YLPM1: variants seen among roughly 807,000 people sequenced by gnomAD.
The protein encoded by YLPM1 is YLP motif containing 1.
A neutral mutation model predicts 230.0 loss-of-function variants in YLPM1; 99 were observed. The ratio of observed to expected loss-of-function variants is 0.43; its 90% CI spans 0.37 to 0.51. YLPM1 has a LOEUF of 0.51. YLPM1 is among the 20% of genes least tolerant of loss of function. The pLI is 0.00. For missense variants in YLPM1, 2,592 were observed against 2,707.7 expected (o/e 0.96, Z 0.95); for synonymous variants, 984 against 942.5 (o/e 1.04, Z -0.81).
In YLPM1 at chr14:74,782,334, G is replaced by GCTTTTTTTTCT. The variant is rs2091104166; in HGVS notation, c.2282+19_2282+29dup. The GCTTTTTTTTCT allele has an allele frequency of 1.4e-6, 2 of 1,476,562 alleles. No homozygotes were observed. The highest frequency in any genetic ancestry group is 3.0e-5 in the South Asian group (2 of 67,720). The allele number at this position is 1,476,562 out of a possible 1,614,324, so 91.5% of individuals were successfully genotyped here. A position where few individuals can be genotyped will look rare whatever the true frequency, so the allele number is the denominator to read the frequency against. On this transcript the variant is annotated intron_variant, in intron 4 of 20. Coordinates refer to ENST00000325680, the MANE Select transcript of YLPM1 (RefSeq NM_019589.3). ...AGTCCAAGAGGCCCAAGGTAGGTCT[G>GCTTTTTTTTCT]CTTTTTTTTCTCTTTTTTTTTGGTT...
intron 19 of YLPM1, among the ~76,000 whole-genome samples, chr14:74,830,072 G>C (rs750131003): frequency 2.6e-5 from 4 of 152,154 alleles, no homozygotes; most frequent in African/African-American, 4.8e-5. Flanking sequence ...TTTCAAGAAG[G>C]AAAGAGTATA....
rs868040986 is a variant in YLPM1, at chr14:74,769,277, T to G, written c.873+4915T>G. ...TTTTTATCTTTTTTTTTTTTTTTTT[T>G]TTTTTTTTTTTGGAGACGAAGTCTC... is the stretch of plus-strand genomic sequence containing the variant. On this transcript the variant is annotated intron_variant, in intron 1 of 20. Transcript: ENST00000325680. Among the ~76,000 whole-genome samples, 833 of 120,602 alleles carry G rather than the reference T, an allele frequency of 6.9e-3. 7 individuals are homozygous for G. Among genetic ancestry groups the G allele is most frequent in the Middle Eastern group, 0.012 (3 of 244 alleles). The allele number at this position is 120,602 out of a possible 152,430, so 79.1% of individuals were successfully genotyped here.
chr14:74,835,734 C>T, intron 20 of YLPM1, 41 bp from the exon 21 acceptor site: 1 of 415,186 alleles, frequency 2.4e-6, no homozygotes, highest in Non-Finnish European at 4.6e-6. Flanking sequence ...AACTTTTTGC[C>T]TGTTCTTTCC....
chr14:74,818,693 A>T (rs897863175), intron 16 of YLPM1, among the ~76,000 whole-genome samples: 1 of 152,190 alleles, frequency 6.6e-6, no homozygotes, highest in South Asian at 2.1e-4. Context: ...AAGTAATATA[A>T]ATTTCCTGAA....
At chr14:74,773,245 G>A (rs576551094) in intron 1 of YLPM1, among the ~76,000 whole-genome samples, 45 of 151,926 alleles carry the variant, frequency 3.0e-4, no homozygotes, top group Non-Finnish European at 5.9e-4. Flanking sequence ...CCGAGATCGC[G>A]CCACTGCGCT....
intron 4 of YLPM1, among the ~76,000 whole-genome samples, chr14:74,795,977 C>T (rs1375499865): frequency 1.3e-5 from 2 of 152,180 alleles, no homozygotes; most frequent in Admixed American, 1.3e-4. Flanking sequence ...GAGGATGTGC[C>T]CTTTCCTTTA....
intron 9 of YLPM1, among the ~76,000 whole-genome samples, chr14:74,811,312 T>C (rs1383450120): frequency 2.0e-5 from 3 of 151,848 alleles, no homozygotes; most frequent in Non-Finnish European, 4.4e-5. Context: ...CGAAACCCCA[T>C]CTCTACAAAA....
intron 19 of YLPM1, 105 bp from the exon 20 acceptor site, chr14:74,835,160 C>G: frequency 7.2e-7 from 1 of 1,386,540 alleles, no homozygotes; most frequent in Non-Finnish European, 9.7e-7. Flanking sequence ...TTTAAACTTG[C>G]GGTTTCAAAT....
chr14:74,822,511 T>C (rs562542513), intron 17 of YLPM1, among the ~76,000 whole-genome samples: 12 of 152,322 alleles, frequency 7.9e-5, no homozygotes, highest in African/African-American at 2.6e-4. Flanking sequence ...TTATCTGTTT[T>C]ATTTCCAAGT....
intron 17 of YLPM1, among the ~76,000 whole-genome samples, chr14:74,823,268 T>G (rs546798685): frequency 1.6e-3 from 239 of 152,226 alleles, no homozygotes; most frequent in African/African-American, 5.5e-3. Context: ...AGTAGAGAGA[T>G]AGATTGATTC....
chr14:74,768,435 T>TG (rs1272941934), intron 1 of YLPM1, among the ~76,000 whole-genome samples: 1 of 152,094 alleles, frequency 6.6e-6, no homozygotes, highest in Non-Finnish European at 1.5e-5. Flanking sequence ...TTAATAGAGA[T>TG]GGGGTTTCAC....
rs1187527151 is a variant in YLPM1, at chr14:74,812,882, A to G, written c.5502+100A>G. 3 of 1,393,470 alleles carry G rather than the reference A, an allele frequency of 2.2e-6. No individual in the cohort carries two copies. The African/African-American group carries it at 4.4e-5, about 20-fold the overall frequency. The allele number at this position is 1,393,470 out of a possible 1,614,324, so 86.3% of individuals were successfully genotyped here. A position where few individuals can be genotyped will look rare whatever the true frequency, so the allele number is the denominator to read the frequency against. On this transcript the variant is annotated intron_variant, in intron 11 of 20. Coordinates refer to ENST00000325680, the MANE Select transcript of YLPM1 (RefSeq NM_019589.3). ...TTCTTTATTTTTCTGCAACATAGTAATAATATCAGATTCAAGACGTTTTAC... is the reference window on the plus strand; with the variant it reads ...TTCTTTATTTTTCTGCAACATAGTAGTAATATCAGATTCAAGACGTTTTAC...
In YLPM1 at chr14:74,817,010, A is replaced by G; in HGVS notation, c.5765A>G (p.Asp1922Gly). 1 of 1,612,060 alleles carries G rather than the reference A, an allele frequency of 6.2e-7. No homozygotes were observed. ...TTCAAAACTTTCAAAAAGACTCTGGATGATGGCTTTTTTCCCTTCATCATC... is the reference window on the plus strand; with the variant it reads ...TTCAAAACTTTCAAAAAGACTCTGGGTGATGGCTTTTTTCCCTTCATCATC... ...SMFKTFKKTL[D>G]DGFFPFIILD... Residue 1922 changes from aspartate (D) to glycine (G), a missense_variant, in exon 14 of 21, where the codon GAT becomes GGT. Physicochemically the swap from Asp to Gly is moderately conservative, Grantham distance 94. This residue lies in a region of YLPM1 where 315 missense variants were observed against 429.3 expected (regional missense o/e 0.73). Transcript: ENST00000325680.
chr14:74,764,834 G>A (rs2090895470), intron 1 of YLPM1, among the ~76,000 whole-genome samples: 1 of 152,152 alleles, frequency 6.6e-6, no homozygotes, highest in African/African-American at 2.4e-5. Context: ...GCCAGGGATA[G>A]TTGTCAGCTT....
chr14:74,835,100 G>GA, intron 19 of YLPM1, 165 bp from the exon 20 acceptor site: 1 of 842,488 alleles, frequency 1.2e-6, no homozygotes. Flanking sequence ...TTCTCTTTGT[G>GA]ACTTAAAATA....
intron 1 of YLPM1, among the ~76,000 whole-genome samples, chr14:74,768,439 G>A (rs1212146394): frequency 1.3e-5 from 2 of 152,046 alleles, no homozygotes; most frequent in East Asian, 3.9e-4. Context: ...TAGAGATGGG[G>A]TTTCACCATG....
At chr14:74,792,181 T>C (rs918886503) in intron 4 of YLPM1, among the ~76,000 whole-genome samples, 1 of 152,198 alleles carries the variant, frequency 6.6e-6, no homozygotes, top group Non-Finnish European at 1.5e-5. Context: ...GTGATGTATA[T>C]ACTTTGACAA....
intron 1 of YLPM1, among the ~76,000 whole-genome samples, chr14:74,766,142 C>T (rs1287101596): frequency 6.6e-6 from 1 of 152,096 alleles, no homozygotes; most frequent in Non-Finnish European, 1.5e-5. Context: ...TTCTTATTAC[C>T]GTAGCACCTA....
Position 74,778,443 on chromosome 14 carries a change from G to C in YLPM1, c.874-4G>C, listed in dbSNP as rs754470853. The C allele has an allele frequency of 3.8e-5, 60 of 1,590,126 alleles. 2 individuals are homozygous for C. Among genetic ancestry groups the C allele is most frequent in the Non-Finnish European group, 4.8e-5 (56 of 1,168,196 alleles). ...AAAATTCTCAAAAATTGTTTCTGTT[G>C]TAGGAACAGCAGCAGTATTGGTATC... On this transcript the variant is annotated splice_region_variant and splice_polypyrimidine_tract_variant and intron_variant, in intron 1 of 20. Transcript: ENST00000325680.
Sources: allele counts gnomAD v4.1 joint callset (sites outside exome capture counted in the v4.1 genomes callset), GRCh38; gene constraint gnomAD v4.1.1; regional missense constraint gnomAD v4.1.1; transcripts MANE v1.5; gene names NCBI Gene and HGNC (gene_info 2026-07-23, HGNC 2026-07-21).